Variants in CEP164 observed in about 807,000 individuals in gnomAD.
CEP164 encodes the protein centrosomal protein of 164 kDa.
In CEP164, 162 loss-of-function variants were observed where a neutral mutation model predicts 182.7. That is an observed-to-expected ratio of 0.89 (90% CI 0.78 to 1.01). The LOEUF (loss-of-function observed/expected upper bound fraction) is 1.01. Ranked by LOEUF, CEP164 falls within the 50% of genes least tolerant of loss-of-function variation. CEP164 has a pLI of 0.00. For synonymous variants in CEP164, 661 were observed against 690.0 expected (o/e 0.96, Z 0.66); for missense variants, 1,735 against 1,790.4 (o/e 0.97, Z 0.56).
chr11:117,336,726 A>C, intron 2 of CEP164: 1 of 685,592 alleles, frequency 1.5e-6, no homozygotes, highest in Non-Finnish European at 2.6e-6. Flanking sequence ...TTCTGCTTGA[A>C]GAGGGCCGTT....
chr11:117,336,295 A>G (rs2037100991), intron 2 of CEP164: 5 of 1,533,848 alleles, frequency 3.3e-6, no homozygotes, highest in Non-Finnish European at 4.5e-6. Flanking sequence ...AGCTTTCTTC[A>G]TTTTATTCTG....
At chr11:117,410,741 ATTG>A in intron 30 of CEP164, 84 bp from the exon 31 acceptor site, 1 of 1,071,160 alleles carries the variant, frequency 9.3e-7, no homozygotes, top group Non-Finnish European at 1.4e-6. Context: ...TTTTCCTTTT[ATTG>A]TTTATTCTGG....
intron 15 of CEP164, among the ~76,000 whole-genome samples, chr11:117,389,196 G>A (rs892340361): frequency 7.2e-5 from 11 of 152,100 alleles, no homozygotes; most frequent in African/African-American, 2.7e-4. Context: ...TCCGAATCAC[G>A]TTTTTCCTAG....
At chr11:117,325,299 G>A (rs2035388603), upstream of CEP164, among the ~76,000 whole-genome samples, 1 of 152,116 alleles carries the variant, frequency 6.6e-6, no homozygotes, top group African/African-American at 2.4e-5. Context: ...TGGCCAGGCT[G>A]GTCTTGAGCT....
intron 8 of CEP164, among the ~76,000 whole-genome samples, chr11:117,365,935 G>A (rs996744093): frequency 1.3e-5 from 2 of 152,100 alleles, no homozygotes; most frequent in Non-Finnish European, 2.9e-5. Context: ...TCTTTGGGGG[G>A]AGTGGGGACT....
intron 28 of CEP164, chr11:117,408,602 G>C (rs1340852465): frequency 1.4e-5 from 6 of 419,610 alleles, no homozygotes; most frequent in Non-Finnish European, 2.6e-5. Context: ...CTTCGCCCAG[G>C]GTACCTGGTG....
chr11:117,401,993 G>A (rs182059751), intron 27 of CEP164, among the ~76,000 whole-genome samples: 1 of 151,976 alleles, frequency 6.6e-6, no homozygotes, highest in African/African-American at 2.4e-5. Context: ...TCTGATCTTA[G>A]TTATTTCTTG....
chr11:117,324,067 A>G (rs1158487462), upstream of CEP164: 1 of 237,336 alleles, frequency 4.2e-6, no homozygotes, highest in African/African-American at 2.3e-5. Context: ...TATGACCCCT[A>G]AATGTTCATC....
At chr11:117,362,635 A>G in intron 7 of CEP164, 97 bp downstream of exon 7, 1 of 1,417,640 alleles carries the variant, frequency 7.1e-7, no homozygotes, top group Admixed American at 2.2e-5. Context: ...TATGTAACAT[A>G]AAATTTGCCC....
At chr11:117,408,053 AGTCCAGTGGGCCCTG>A in intron 28 of CEP164, 21 bp downstream of exon 28, 2 of 1,516,564 alleles carry the variant, frequency 1.3e-6, no homozygotes, top group Non-Finnish European at 1.8e-6. Context: ...ATGTCCACAT[AGTCCAGTGGGCCCTG>A]GCCTTCCTCT....
In CEP164 at chr11:117,338,546, T is replaced by G; in HGVS notation, c.-21-20T>G. 1 of 1,557,226 alleles carries G rather than the reference T, an allele frequency of 6.4e-7. No homozygotes were observed. Among genetic ancestry groups the G allele is most frequent in the Middle Eastern group, 1.7e-4 (1 of 5,960 alleles). ...TTGGTCACTGATTTTTCTCTTTTGG[T>G]GGGGGCCTCTGGGATCTAGGTGTTT... On this transcript the variant is annotated intron_variant, in intron 2 of 32. Transcript: ENST00000278935.
rs146138407 is a variant in CEP164 at position 117,344,656 on chromosome 11, G to A, written c.194+379G>A. On this transcript the variant is annotated intron_variant, in intron 4 of 32. Transcript: ENST00000278935. ...TTGGATGCTGGTCTTGCCGGGTACG[G>A]TGGCCCACGCCTGTAATCCCAGTGC... Among the ~76,000 whole-genome samples the A allele has an allele frequency of 3.3e-3, 498 of 152,290 alleles. 7 individuals are homozygous for A. Among genetic ancestry groups the A allele is most frequent in the African/African-American group, 0.012 (481 of 41,558 alleles).
chr11:117,381,948 G>T, intron 13 of CEP164, 80 bp downstream of exon 13: 1 of 989,832 alleles, frequency 1.0e-6, no homozygotes, highest in Non-Finnish European at 1.3e-6. Context: ...TGCTAGTGCT[G>T]AGAGAGATGG....
At chr11:117,337,959 T>C (rs185302338) in intron 2 of CEP164, among the ~76,000 whole-genome samples, 47 of 152,312 alleles carry the variant, frequency 3.1e-4, no homozygotes, top group Middle Eastern at 6.8e-3. Context: ...TTAGAATGCC[T>C]TTCTCCCCCA....
In CEP164 at chr11:117,334,784, C is replaced by CAAA. The variant is rs5795074; in HGVS notation, c.-97-804_-97-802dup. On this transcript the variant is annotated intron_variant, in intron 1 of 32. Coordinates refer to ENST00000278935, the MANE Select transcript of CEP164 (RefSeq NM_014956.5). ...TGGGTGACAGACTGAGACTTCGTTT[C>CAAA]AAAAAAAAAAAAAAAAAAAGGTAAA... Among the ~76,000 whole-genome samples, 331 of 102,766 alleles carry CAAA rather than the reference C, an allele frequency of 3.2e-3. 3 individuals carry two copies. Among genetic ancestry groups the CAAA allele is most frequent in the Middle Eastern group, 6.3e-3 (1 of 158 alleles). The allele number at this position is 102,766 out of a possible 152,430, so 67.4% of individuals were successfully genotyped here. A position where few individuals can be genotyped will look rare whatever the true frequency, so the allele number is the denominator to read the frequency against.
intron 5 of CEP164, among the ~76,000 whole-genome samples, chr11:117,353,216 G>A (rs1487296789): frequency 2.0e-5 from 3 of 152,174 alleles, no homozygotes; most frequent in Non-Finnish European, 4.4e-5. Context: ...TTTGTTTATA[G>A]TTTTTGTTTC....
intron 8 of CEP164, among the ~76,000 whole-genome samples, chr11:117,366,237 C>T (rs2041622599): frequency 6.6e-6 from 1 of 152,084 alleles, no homozygotes; most frequent in African/African-American, 2.4e-5. Context: ...TCTCAGTTTA[C>T]AGTCTTTGGA....
rs141810459 is a variant in CEP164 at position 117,332,717 on chromosome 11, G to A, written c.-97-2888G>A. ...GCTGGGAAGGCTTCCTGGAGGAAAC[G>A]TGTGAGCCACTCCTTTTTTGCCTGA... On this transcript the variant is annotated intron_variant, in intron 1 of 32. Transcript: ENST00000278935. Among the ~76,000 whole-genome samples the A allele has an allele frequency of 1.7e-4, 26 of 152,340 alleles. 3 individuals are homozygous for A. The highest frequency in any genetic ancestry group is 6.3e-4 in the African/African-American group (26 of 41,564).
At chr11:117,340,823 CTCTT>C (rs1297841715) in intron 3 of CEP164, among the ~76,000 whole-genome samples, 1 of 152,012 alleles carries the variant, frequency 6.6e-6, no homozygotes, top group African/African-American at 2.4e-5. Context: ...TACGACTGGC[CTCTT>C]TCTTTCTTTC....
Sources: allele counts gnomAD v4.1 joint callset (sites outside exome capture counted in the v4.1 genomes callset), GRCh38; gene constraint gnomAD v4.1.1; transcripts MANE v1.5; gene names NCBI Gene and HGNC (gene_info 2026-07-23, HGNC 2026-07-21).